Variants in MARCO observed in about 807,000 individuals in gnomAD.
MARCO encodes the protein macrophage receptor MARCO.
A neutral mutation model predicts 70.0 loss-of-function variants in MARCO; 72 were observed. The ratio of observed to expected loss-of-function variants is 1.03; its 90% CI spans 0.85 to 1.25. MARCO has a LOEUF of 1.25. MARCO is among the 50% of genes most tolerant of loss of function. MARCO has a pLI of 0.00. For synonymous variants in MARCO, 273 were observed against 243.1 expected (o/e 1.12, Z -1.14); for missense variants, 696 against 659.3 (o/e 1.06, Z -0.61).
chr2:118,969,053 A>G, intron 1 of MARCO, 107 bp from the exon 2 acceptor site: 2 of 758,084 alleles, frequency 2.6e-6, no homozygotes, highest in Non-Finnish European at 4.6e-6. Flanking sequence ...TTCCCAGCTG[A>G]CCTCACAGGG....
intron 1 of MARCO, among the ~76,000 whole-genome samples, chr2:118,956,622 C>G (rs112560417): frequency 3.9e-5 from 6 of 152,134 alleles, no homozygotes. Flanking sequence ...TGGATTTAAA[C>G]TATACCTTTG....
chr2:118,980,411 G>A (rs891886490), intron 8 of MARCO, among the ~76,000 whole-genome samples: 6 of 152,188 alleles, frequency 3.9e-5, no homozygotes, highest in African/African-American at 1.4e-4. Flanking sequence ...TGAATTCACA[G>A]CACTCAATGC....
intron 1 of MARCO, among the ~76,000 whole-genome samples, chr2:118,966,447 G>C (rs961568778): frequency 5.9e-5 from 9 of 152,066 alleles, no homozygotes; most frequent in African/African-American, 2.2e-4. Context: ...CAGTGTAGAG[G>C]CTAAAGACTT....
chr2:118,950,954 G>T (rs185826545), intron 1 of MARCO, among the ~76,000 whole-genome samples: 2 of 152,306 alleles, frequency 1.3e-5, no homozygotes, highest in African/African-American at 2.4e-5. Flanking sequence ...TGAAAACCTT[G>T]TAAGTTTGGG....
chr2:118,990,500 A>G, intron 12 of MARCO, 89 bp from the exon 13 acceptor site: 1 of 1,300,236 alleles, frequency 7.7e-7, no homozygotes, highest in East Asian at 2.3e-5. Flanking sequence ...CATTAATCAG[A>G]CAAAAGGTAG....
intron 1 of MARCO, among the ~76,000 whole-genome samples, chr2:118,951,138 A>G (rs190151683): frequency 1.3e-5 from 2 of 152,324 alleles, no homozygotes; most frequent in East Asian, 3.9e-4. Flanking sequence ...CTGCTTCTAC[A>G]AGAGTTTCCT....
At chr2:118,968,600 C>T (rs950454158) in intron 1 of MARCO, among the ~76,000 whole-genome samples, 1 of 152,134 alleles carries the variant, frequency 6.6e-6, no homozygotes, top group Non-Finnish European at 1.5e-5. Flanking sequence ...TGATTATTAA[C>T]CCTTGTCATG....
intron 1 of MARCO, among the ~76,000 whole-genome samples, chr2:118,942,935 C>T (rs529673346): frequency 6.6e-6 from 1 of 152,316 alleles, no homozygotes; most frequent in South Asian, 2.1e-4. Context: ...AAACTCAGGT[C>T]TGTAATATTC....
chr2:118,991,113 T>C (rs1002942660), intron 13 of MARCO, among the ~76,000 whole-genome samples: 7 of 152,136 alleles, frequency 4.6e-5, no homozygotes, highest in Non-Finnish European at 8.8e-5. Flanking sequence ...TTCAGTTGGG[T>C]ACTGAGCTGG....
chr2:118,979,107 C>A (rs1470115534), intron 8 of MARCO, among the ~76,000 whole-genome samples: 1 of 152,080 alleles, frequency 6.6e-6, no homozygotes, highest in African/African-American at 2.4e-5. Flanking sequence ...CATGGGAATT[C>A]CTTACAAAAA....
chr2:118,954,942 C>T (rs1256568336), intron 1 of MARCO, among the ~76,000 whole-genome samples: 1 of 152,098 alleles, frequency 6.6e-6, no homozygotes, highest in Non-Finnish European at 1.5e-5. Flanking sequence ...AGACTTCCCT[C>T]TAACAGAACC....
intron 1 of MARCO, among the ~76,000 whole-genome samples, chr2:118,951,163 T>A (rs1299063273): frequency 6.6e-6 from 1 of 152,220 alleles, no homozygotes; most frequent in Admixed American, 6.5e-5. Context: ...ACTTACTGAA[T>A]ACCCATTGTG....
intron 1 of MARCO, among the ~76,000 whole-genome samples, chr2:118,950,775 T>C (rs1448983781): frequency 2.0e-5 from 3 of 150,794 alleles, no homozygotes; most frequent in African/African-American, 7.4e-5. Context: ...TAACATTCCT[T>C]TTTACATAAA....
intron 13 of MARCO, among the ~76,000 whole-genome samples, chr2:118,991,136 G>C (rs796581486): frequency 1.3e-5 from 2 of 152,256 alleles, no homozygotes; most frequent in African/African-American, 4.8e-5. Flanking sequence ...CCAGCTGGAC[G>C]GTGTTTCTAG....
At chr2:118,991,256 T>TG (rs889317745) in intron 13 of MARCO, among the ~76,000 whole-genome samples, 4 of 151,386 alleles carry the variant, frequency 2.6e-5, no homozygotes, top group South Asian at 2.1e-4. Context: ...TTTTATGGTT[T>TG]TTTTTTTTTT....
intron 1 of MARCO, among the ~76,000 whole-genome samples, chr2:118,952,192 C>T (rs1679735629): frequency 6.6e-6 from 1 of 152,244 alleles, no homozygotes; most frequent in South Asian, 2.1e-4. Flanking sequence ...TTCAACCCCT[C>T]AAACCAGGGA....
intron 12 of MARCO, 88 bp downstream of exon 12, chr2:118,982,498 A>G: frequency 8.0e-7 from 1 of 1,255,680 alleles, no homozygotes; most frequent in Non-Finnish European, 1.2e-6. Context: ...AGGCCCACGG[A>G]GGAGGCAGAG....
intron 6 of MARCO, among the ~76,000 whole-genome samples, chr2:118,975,400 G>A (rs946474888): frequency 3.9e-5 from 6 of 152,192 alleles, no homozygotes; most frequent in Admixed American, 2.0e-4. Context: ...TCTCTAAGCC[G>A]CCAGGCTGCT....
chr2:118,976,258 G>A (rs547009729), intron 6 of MARCO, among the ~76,000 whole-genome samples: 26 of 152,270 alleles, frequency 1.7e-4, no homozygotes, highest in African/African-American at 6.3e-4. Context: ...CAAATCATCT[G>A]GAACCCACAT....
Sources: allele counts gnomAD v4.1 joint callset (sites outside exome capture counted in the v4.1 genomes callset), GRCh38; gene constraint gnomAD v4.1.1; transcripts MANE v1.5; gene names NCBI Gene and HGNC (gene_info 2026-07-23, HGNC 2026-07-21).